Variants in STX8 observed in about 807,000 individuals in gnomAD.
The protein encoded by STX8 is syntaxin-8.
Under a neutral mutation model 37.5 loss-of-function variants are expected in STX8, and 23 were observed. The ratio of observed to expected loss-of-function variants is 0.61; its 90% CI spans 0.44 to 0.87. STX8 has a LOEUF of 0.87. STX8 is among the 40% of genes least tolerant of loss of function. STX8 has a pLI of 0.00. For synonymous variants in STX8, 115 were observed against 99.1 expected (o/e 1.16, Z -0.95); for missense variants, 313 against 284.7 (o/e 1.10, Z -0.71).
At chr17:9,252,305 G>A (rs370670424) in intron 7 of STX8, among the ~76,000 whole-genome samples, 6 of 152,168 alleles carry the variant, frequency 3.9e-5, no homozygotes, top group South Asian at 2.1e-4. Context: ...TTAGCCTGGC[G>A]TGGTGGCAGG....
intron 7 of STX8, among the ~76,000 whole-genome samples, chr17:9,314,502 ATTC>A (rs1909312638): frequency 6.6e-6 from 1 of 151,416 alleles, no homozygotes; most frequent in African/African-American, 2.4e-5. Context: ...GGTTCATACC[ATTC>A]TTCTGCCTCA....
chr17:9,562,613 A>AT (rs1209911723), intron 2 of STX8, among the ~76,000 whole-genome samples: 156 of 51,192 alleles, frequency 3.0e-3, no homozygotes, highest in African/African-American at 7.5e-3. Flanking sequence ...AAAAAAAAAA[A>AT]ATATATATAT....
In STX8 at chr17:9,334,889, A is replaced by G. The variant is rs1910086809; in HGVS notation, c.643+43663T>C. Among the ~76,000 whole-genome samples the G allele has an allele frequency of 1.3e-5, 2 of 152,216 alleles. 1 individual carries two copies. The highest frequency in any genetic ancestry group is 1.3e-4 in the Admixed American group (2 of 15,280). On this transcript the variant is annotated intron_variant, in intron 7 of 7. Transcript: ENST00000306357. The stretch of plus-strand genomic sequence containing the variant: ...CTAAATTTCCCGTCAAAGAATCAGT[A>G]TGTCAGTATGTTCAGTTCTTTGTTC...
intron 7 of STX8, among the ~76,000 whole-genome samples, chr17:9,258,954 C>T (rs1453526131): frequency 1.3e-5 from 2 of 152,234 alleles, no homozygotes; most frequent in Non-Finnish European, 2.9e-5. Context: ...TCCTGGAATC[C>T]GAGGGTATCT....
intron 7 of STX8, among the ~76,000 whole-genome samples, chr17:9,324,901 C>T (rs961768476): frequency 5.3e-5 from 8 of 152,098 alleles, no homozygotes; most frequent in East Asian, 3.9e-4. Context: ...TTTTTGACTT[C>T]GAGATGATGC....
chr17:9,362,088 T>C (rs183142660), intron 7 of STX8, among the ~76,000 whole-genome samples: 5 of 152,106 alleles, frequency 3.3e-5, no homozygotes, highest in South Asian at 4.1e-4. Flanking sequence ...CCCAGCACCT[T>C]GGGAGGCTGA....
intron 6 of STX8, among the ~76,000 whole-genome samples, chr17:9,485,646 C>A (rs973915671): frequency 9.3e-5 from 14 of 150,206 alleles, no homozygotes; most frequent in Non-Finnish European, 1.8e-4. Flanking sequence ...AGTGCAGTGG[C>A]GTGATCTCAG....
chr17:9,420,234 G>A (rs1391618184), intron 6 of STX8, among the ~76,000 whole-genome samples: 2 of 152,112 alleles, frequency 1.3e-5, no homozygotes, highest in East Asian at 1.9e-4. Context: ...ATTCAACATC[G>A]GCCGCCAGGG....
intron 4 of STX8, 139 bp from the exon 5 acceptor site, chr17:9,505,301 T>C (rs1351280386): frequency 1.4e-5 from 13 of 938,254 alleles, no homozygotes; most frequent in East Asian, 5.4e-5. Flanking sequence ...CATTAGTTTA[T>C]GCCAGGAACT....
intron 7 of STX8, among the ~76,000 whole-genome samples, chr17:9,367,936 T>C (rs7208769): frequency 0.01 from 1,528 of 152,304 alleles, 28 homozygotes; most frequent in African/African-American, 0.034. Context: ...TTTGCCATGT[T>C]GGTCAGGCTG....
At chr17:9,382,620 T>C (rs1911862524) in intron 6 of STX8, among the ~76,000 whole-genome samples, 1 of 152,182 alleles carries the variant, frequency 6.6e-6, no homozygotes, top group Non-Finnish European at 1.5e-5. Context: ...CTATATACTT[T>C]GCTATGAAAC....
intron 6 of STX8, among the ~76,000 whole-genome samples, chr17:9,481,088 T>C (rs1430851049): frequency 6.6e-6 from 1 of 152,166 alleles, no homozygotes; most frequent in Non-Finnish European, 1.5e-5. Context: ...TTTCACCATG[T>C]AAGCCAGGAT....
In STX8 at chr17:9,575,734, G is replaced by A. The variant is rs9889912; in HGVS notation, c.17+58C>T. 14,546 of 1,541,846 alleles carry A rather than the reference G, an allele frequency of 9.4e-3. 1,177 individuals are homozygous for A. The African/African-American group carries it at 0.18, about 19-fold the overall frequency. On this transcript the variant is annotated intron_variant, in intron 1 of 7. Coordinates refer to ENST00000306357, the MANE Select transcript of STX8 (RefSeq NM_004853.3). Reference sequence around the variant, plus strand: ...AATGCGAAGTGATTGCCTGCTCTCCGGAAGCCCGGCCTCCCCGAAGGTCCC... The same window carrying A: ...AATGCGAAGTGATTGCCTGCTCTCCAGAAGCCCGGCCTCCCCGAAGGTCCC...
intron 7 of STX8, among the ~76,000 whole-genome samples, chr17:9,296,630 A>G (rs1467549645): frequency 3.0e-5 from 1 of 32,876 alleles, no homozygotes; most frequent in Admixed American, 2.7e-4. Context: ...TTGAAAGACT[A>G]AAAAAAAAAA....
chr17:9,289,548 C>T (rs779394276), intron 7 of STX8, among the ~76,000 whole-genome samples: 8 of 148,398 alleles, frequency 5.4e-5, no homozygotes, highest in Admixed American at 4.7e-4. Context: ...TAATTTAGGG[C>T]AAGAATTATA....
chr17:9,386,140 C>T (rs889819749), intron 6 of STX8, among the ~76,000 whole-genome samples: 1 of 144,724 alleles, frequency 6.9e-6, no homozygotes, highest in African/African-American at 2.5e-5. Context: ...CAAAAATATA[C>T]ATAGCAACCT....
chr17:9,263,289 C>T (rs1486960298), intron 7 of STX8, among the ~76,000 whole-genome samples: 1 of 152,052 alleles, frequency 6.6e-6, no homozygotes, highest in Non-Finnish European at 1.5e-5. Context: ...CCAGCCTGAC[C>T]AAAATGGAGA....
intron 7 of STX8, among the ~76,000 whole-genome samples, chr17:9,299,706 T>G (rs1280112288): frequency 6.6e-6 from 1 of 152,150 alleles, no homozygotes; most frequent in East Asian, 1.9e-4. Context: ...CCTCCCAAAG[T>G]GCAGGGATTA....
intron 7 of STX8, among the ~76,000 whole-genome samples, chr17:9,306,435 G>A (rs574231620): frequency 2.4e-3 from 224 of 92,490 alleles, no homozygotes; most frequent in African/African-American, 7.6e-3. Flanking sequence ...ATTGGTGATT[G>A]AAGTAAATAC....
Sources: allele counts gnomAD v4.1 joint callset (sites outside exome capture counted in the v4.1 genomes callset), GRCh38; gene constraint gnomAD v4.1.1; transcripts MANE v1.5; gene names NCBI Gene and HGNC (gene_info 2026-07-23, HGNC 2026-07-21).